SPECC1: variants seen among roughly 807,000 people sequenced by gnomAD.
The protein encoded by SPECC1 is sperm antigen with calponin homology and coiled-coil domains 1, also known as cytospin-B.
SPECC1 carries 62 observed loss-of-function variants against 104.1 expected under a neutral mutation model. The ratio of observed to expected loss-of-function variants is 0.60; its 90% CI spans 0.49 to 0.74. The LOEUF (loss-of-function observed/expected upper bound fraction) is 0.74, where lower values mean the gene tolerates loss of function less well. Among genes scored for constraint, SPECC1 ranks in the 30% least tolerant of loss-of-function variants. SPECC1 has a pLI of 0.00. For missense variants in SPECC1, 1,306 were observed against 1,310.5 expected (o/e 1.00, Z 0.05); for synonymous variants, 513 against 501.6 (o/e 1.02, Z -0.30).
intron 12 of SPECC1, among the ~76,000 whole-genome samples, chr17:20,289,407 T>G (rs2041080097): frequency 6.6e-6 from 1 of 152,120 alleles, no homozygotes; most frequent in East Asian, 1.9e-4. Flanking sequence ...GTTCAAGTGA[T>G]TCTCCTGCCT....
intron 3 of SPECC1, among the ~76,000 whole-genome samples, chr17:20,122,032 G>C (rs574881484): frequency 5.6e-4 from 86 of 152,346 alleles, no homozygotes; most frequent in African/African-American, 2.0e-3. Context: ...CAAGACGTGG[G>C]AGAGATGAGA....
At chr17:20,296,340 G>T (rs1272425946) in intron 12 of SPECC1, among the ~76,000 whole-genome samples, 4 of 152,280 alleles carry the variant, frequency 2.6e-5, no homozygotes, top group South Asian at 2.1e-4. Flanking sequence ...TAGATGTGTG[G>T]TATTATTTCC....
chr17:20,296,351 G>A (rs2041350343), intron 12 of SPECC1, among the ~76,000 whole-genome samples: 3 of 152,266 alleles, frequency 2.0e-5, no homozygotes, highest in East Asian at 1.9e-4. Context: ...TATTATTTCC[G>A]AGGGCTCTAT....
chr17:20,285,414 C>CTTTT (rs577368624), intron 12 of SPECC1, among the ~76,000 whole-genome samples: 8 of 147,962 alleles, frequency 5.4e-5, no homozygotes, highest in Non-Finnish European at 1.2e-4. Context: ...CTGTATCTTA[C>CTTTT]TTTTTTTTTT....
intron 1 of SPECC1, among the ~76,000 whole-genome samples, chr17:20,016,734 C>G (rs1457692158): frequency 6.6e-6 from 1 of 152,218 alleles, no homozygotes; most frequent in Admixed American, 6.5e-5. Context: ...CTGTGCGGCC[C>G]GAGCCTCCCT....
chr17:20,048,843 G>A (rs1309109859), intron 1 of SPECC1, among the ~76,000 whole-genome samples: 1 of 151,798 alleles, frequency 6.6e-6, no homozygotes, highest in Non-Finnish European at 1.5e-5. Context: ...AGTCAGCTGA[G>A]ATCATACCAT....
chr17:20,200,675 G>T (rs770348680), intron 3 of SPECC1, among the ~76,000 whole-genome samples: 1 of 152,182 alleles, frequency 6.6e-6, no homozygotes, highest in Non-Finnish European at 1.5e-5. Context: ...AAGCTGTAGG[G>T]CTGTTGCTCT....
In SPECC1 at chr17:20,152,447, G is replaced by T. The variant is rs1363351986; in HGVS notation, c.283+41885G>T. Among the ~76,000 whole-genome samples, 3 of 143,182 alleles carry T rather than the reference G, an allele frequency of 2.1e-5. No individual in the cohort carries two copies. The Admixed American group carries it at 2.2e-4, about 10-fold the overall frequency. The allele number at this position is 143,182 out of a possible 152,430, so 93.9% of individuals were successfully genotyped here. On this transcript the variant is annotated intron_variant, in intron 3 of 14. Coordinates refer to ENST00000395527, the MANE Select transcript of SPECC1 (RefSeq NM_001243439.2). ...TTTAAAAGATGATATATATTACTCT[G>T]CTTCAGCTGCCATAACCAATTGCAC...
intron 1 of SPECC1, among the ~76,000 whole-genome samples, chr17:20,086,624 A>G (rs2047187604): frequency 6.6e-6 from 1 of 151,916 alleles, no homozygotes; most frequent in South Asian, 2.1e-4. Context: ...CTCCTCCTTG[A>G]TTTTATCTTC....
At chr17:20,133,104 A>G (rs1371788135) in intron 3 of SPECC1, among the ~76,000 whole-genome samples, 1 of 152,118 alleles carries the variant, frequency 6.6e-6, no homozygotes, top group Admixed American at 6.6e-5. Context: ...CTGTAGTGAT[A>G]TCCCCAGTTT....
chr17:20,261,428 G>T (rs1038823880), intron 12 of SPECC1, among the ~76,000 whole-genome samples: 1 of 151,354 alleles, frequency 6.6e-6, no homozygotes, highest in Admixed American at 6.6e-5. Flanking sequence ...TGTGAACCCG[G>T]GAGGCGAAGC....
At chr17:20,228,441 CAT>C (rs895973317) in intron 5 of SPECC1, among the ~76,000 whole-genome samples, 1 of 152,184 alleles carries the variant, frequency 6.6e-6, no homozygotes, top group East Asian at 1.9e-4. Flanking sequence ...TTGAAGGCCA[CAT>C]GTTAGGATAC....
At chr17:20,050,690 G>A (rs561706269) in intron 1 of SPECC1, among the ~76,000 whole-genome samples, 1 of 152,316 alleles carries the variant, frequency 6.6e-6, no homozygotes, top group African/African-American at 2.4e-5. Flanking sequence ...TGGCTCCTTG[G>A]TAATGTGGAA....
At chr17:20,065,584 TC>T (rs2046330894) in intron 1 of SPECC1, among the ~76,000 whole-genome samples, 1 of 152,210 alleles carries the variant, frequency 6.6e-6, no homozygotes, top group South Asian at 2.1e-4. Flanking sequence ...TTCCAGGTGT[TC>T]AGCTGTCCAG....
At chr17:20,017,582 C>T (rs1318247555) in intron 1 of SPECC1, 4 of 152,494 alleles carry the variant, frequency 2.6e-5, no homozygotes, top group Admixed American at 1.3e-4. Context: ...CCATTCCTGT[C>T]CTCTTACTTC....
At position 20,110,516 on chromosome 17, in the gene SPECC1, C is replaced by T. The variant is rs549370405; in HGVS notation, c.237C>T (p.Ala79=). The change falls in exon 3 of 15, where the codon GCC becomes GCT. Residue 79 remains alanine, a synonymous_variant. Coordinates refer to ENST00000395527, the MANE Select transcript of SPECC1 (RefSeq NM_001243439.2). The part of the protein sequence containing the change: ...GVVRLKKTAT[A]GAISELTESR... Reference sequence around the variant, plus strand: ...TTCGCCTGAAGAAGACCGCCACTGCCGGAGCCATCTCGGAGCTCACGGAGA... The same window carrying T: ...TTCGCCTGAAGAAGACCGCCACTGCTGGAGCCATCTCGGAGCTCACGGAGA... The T allele has an allele frequency of 8.6e-5, 139 of 1,613,994 alleles. 4 individuals are homozygous for T. In the South Asian group the frequency reaches 1.2e-3, roughly 14 times the overall value.
At chr17:20,240,628 G>T (rs1342650490) in intron 7 of SPECC1, among the ~76,000 whole-genome samples, 2 of 152,010 alleles carry the variant, frequency 1.3e-5, no homozygotes, top group African/African-American at 4.8e-5. Flanking sequence ...GGGTAGCACT[G>T]TTTATTACCA....
chr17:20,310,155 T>C (rs1266911201), intron 14 of SPECC1, among the ~76,000 whole-genome samples: 2 of 152,156 alleles, frequency 1.3e-5, no homozygotes, highest in Admixed American at 6.5e-5. Flanking sequence ...GACACCTAGG[T>C]TGATTTCATG....
chr17:20,083,756 T>C (rs928294853), intron 1 of SPECC1, among the ~76,000 whole-genome samples: 6 of 152,246 alleles, frequency 3.9e-5, no homozygotes, highest in Admixed American at 6.5e-5. Flanking sequence ...GGATAAATAC[T>C]GAAGAGTGGG....
Sources: gnomAD v4.1 joint callset for allele counts (sites outside exome capture counted in the v4.1 genomes callset) on GRCh38, gnomAD v4.1.1 for gene constraint, MANE v1.5 for transcripts, NCBI Gene and HGNC (gene_info 2026-07-23, HGNC 2026-07-21) for gene names.